The following EXD2 variants were observed in gnomAD, a reference collection of about 807,000 sequenced individuals.
EXD2 encodes exonuclease 3'-5' domain containing 2.
Under a neutral mutation model 62.5 loss-of-function variants are expected in EXD2, and 40 were observed. The ratio of observed to expected loss-of-function variants is 0.64; its 90% CI spans 0.50 to 0.83. The LOEUF (loss-of-function observed/expected upper bound fraction) is 0.83. Ranked by LOEUF, EXD2 falls within the 40% of genes least tolerant of loss-of-function variation. EXD2 has a pLI of 0.00. For missense variants in EXD2, 671 were observed against 761.8 expected (o/e 0.88, Z 1.40); for synonymous variants, 239 against 291.9 (o/e 0.82, Z 1.85).
chr14:69,222,168 A>G (rs926223893), intron 3 of EXD2, among the ~76,000 whole-genome samples: 5 of 151,386 alleles, frequency 3.3e-5, no homozygotes, highest in African/African-American at 1.2e-4. Context: ...ATAACTAGGA[A>G]TGTCTCTTTT....
chr14:69,198,935 A>C (rs1271116100), intron 1 of EXD2, among the ~76,000 whole-genome samples: 1 of 152,222 alleles, frequency 6.6e-6, no homozygotes, highest in Non-Finnish European at 1.5e-5. Flanking sequence ...AAGTACAGTA[A>C]AAATGTGGTA....
intron 1 of EXD2, among the ~76,000 whole-genome samples, chr14:69,203,652 G>T (rs115640752): frequency 0.013 from 2,019 of 152,314 alleles, 42 homozygotes; most frequent in African/African-American, 0.047. Context: ...GATGAACTCG[G>T]TTACTGGAAG....
chr14:69,197,239 A>C (rs1222837014), intron 1 of EXD2, among the ~76,000 whole-genome samples: 2 of 152,244 alleles, frequency 1.3e-5, no homozygotes, highest in African/African-American at 4.8e-5. Context: ...ATATTAAAAA[A>C]TAAAGAACAG....
chr14:69,239,865 G>C, intron 9 of EXD2, among the ~76,000 whole-genome samples: 1 of 152,182 alleles, frequency 6.6e-6, no homozygotes, highest in East Asian at 1.9e-4. Context: ...GCCTCCCAAA[G>C]TGCTGGGATT....
chr14:69,227,912 T>A (rs2043418119), intron 3 of EXD2: 1 of 146,174 alleles, frequency 6.8e-6, no homozygotes, highest in Non-Finnish European at 1.5e-5. Flanking sequence ...AGGCCCTAAC[T>A]TATGCTCAAT....
chr14:69,228,215 G>A (rs1034591035), intron 3 of EXD2, among the ~76,000 whole-genome samples: 1 of 113,408 alleles, frequency 8.8e-6, no homozygotes, highest in Admixed American at 1.2e-4. Context: ...TTTTGAGACA[G>A]AGTTTCACTC....
rs571229013 is a variant in EXD2 at position 69,200,405 on chromosome 14, A to C, written c.-131-3512A>C. 3.3e-5 allele frequency among the ~76,000 whole-genome samples: 5 copies of C among 152,232 alleles called. No individual in the cohort carries two copies. In the South Asian group the frequency reaches 1.0e-3, roughly 32 times the overall value. Reference sequence around the variant, plus strand: ...TTATTGTCATTGAATTGTACACTTAAAAATGGCTAAAATGGGCCAGGCGTG... The same window carrying C: ...TTATTGTCATTGAATTGTACACTTACAAATGGCTAAAATGGGCCAGGCGTG... On this transcript the variant is annotated intron_variant, in intron 1 of 9. Transcript: ENST00000685843.
At chr14:69,197,623 G>A (rs894570189) in intron 1 of EXD2, among the ~76,000 whole-genome samples, 4 of 151,844 alleles carry the variant, frequency 2.6e-5, no homozygotes, top group South Asian at 2.1e-4. Flanking sequence ...TGTTGTTCCC[G>A]TCTTTATGTC....
chr14:69,236,734 C>T (rs1448411854), intron 8 of EXD2, among the ~76,000 whole-genome samples, 192 bp downstream of exon 8: 2 of 152,196 alleles, frequency 1.3e-5, no homozygotes, highest in Non-Finnish European at 2.9e-5. Flanking sequence ...CCCTCCTGAG[C>T]CGTTTCTCAG....
intron 3 of EXD2, among the ~76,000 whole-genome samples, chr14:69,221,909 TAAAAAAA>T (rs60647735): frequency 5.8e-5 from 3 of 52,056 alleles, no homozygotes; most frequent in Admixed American, 3.2e-4. Flanking sequence ...CTGTCTCTAC[TAAAAAAA>T]AAAAAAAAAA....
At chr14:69,222,018 G>C (rs2043202420) in intron 3 of EXD2, among the ~76,000 whole-genome samples, 1 of 151,348 alleles carries the variant, frequency 6.6e-6, no homozygotes. Flanking sequence ...AACCTGGGAG[G>C]TGGAGGTTGC....
chr14:69,225,734 A>G (rs866617283), intron 3 of EXD2, among the ~76,000 whole-genome samples: 9 of 152,200 alleles, frequency 5.9e-5, no homozygotes, highest in African/African-American at 2.2e-4. Context: ...TGTCAGGGCA[A>G]AAAGACATTA....
chr14:69,210,655 G>C (rs1023234504), intron 3 of EXD2, among the ~76,000 whole-genome samples: 1 of 152,002 alleles, frequency 6.6e-6, no homozygotes, highest in Admixed American at 6.6e-5. Flanking sequence ...TCTACAAAAA[G>C]AGAAATTAGC....
At position 69,240,951 on chromosome 14, in the gene EXD2, C is replaced by T. The variant is rs752738946; in HGVS notation, c.1717C>T (p.Arg573Cys). ...GCAGTGTCACAGCCAGGGTGGCCTG[C>T]GCTCCCTCATGCAGCTGGAGAGCCG... Reference protein sequence around the residue: ...VVQCHSQGGLRSLMQLESRWR... With the variant: ...VVQCHSQGGLCSLMQLESRWR... The change falls in exon 10 of 10, where the codon CGC becomes TGC. Residue 573 changes from arginine (R) to cysteine (C), a missense_variant. By Grantham distance (180) the Arg-to-Cys change is radical. Coordinates refer to ENST00000685843, the MANE Select transcript of EXD2 (RefSeq NM_001193360.2). The T allele has an allele frequency of 5.9e-5, 95 of 1,613,552 alleles. No homozygotes were observed. The highest frequency in any genetic ancestry group is 7.6e-5 in the Non-Finnish European group (90 of 1,180,018).
chr14:69,198,195 G>A (rs375520707), intron 1 of EXD2, among the ~76,000 whole-genome samples: 1 of 152,072 alleles, frequency 6.6e-6, no homozygotes, highest in South Asian at 2.1e-4. Context: ...TTTTATAATA[G>A]GTTTGGAAAG....
Position 69,240,993 on chromosome 14 carries a change from C to G in EXD2, c.1759C>G (p.Leu587Val), listed in dbSNP as rs2140060062. The G allele has an allele frequency of 6.2e-7, 1 of 1,613,304 alleles. No individual in the cohort carries two copies. Among genetic ancestry groups the G allele is most frequent in the East Asian group, 2.2e-5 (1 of 44,882 alleles). Residue 587 changes from leucine (L) to valine (V), a missense_variant, in exon 10 of 10, where the codon CTG becomes GTG. Leu to Val is a conservative substitution (Grantham distance 32). Coordinates refer to ENST00000685843, the MANE Select transcript of EXD2 (RefSeq NM_001193360.2). The stretch of plus-strand genomic sequence containing the variant: ...GGAGAGCCGCTGGCGTCAGCACTTC[C>G]TGGACTCCATGCAGCCCAAGCACCT... ...QLESRWRQHF[L>V]DSMQPKHLPQ... is the part of the protein sequence containing the mutation.
chr14:69,205,754 A>G (rs1277598839), intron 2 of EXD2, among the ~76,000 whole-genome samples: 1 of 151,892 alleles, frequency 6.6e-6, no homozygotes, highest in East Asian at 1.9e-4. Context: ...GTGTGTTATG[A>G]TAGACTCTGC....
At chr14:69,206,143 A>C (rs2042582696) in intron 2 of EXD2, among the ~76,000 whole-genome samples, 2 of 151,346 alleles carry the variant, frequency 1.3e-5, no homozygotes, top group Non-Finnish European at 2.9e-5. Context: ...CTGATTTCAA[A>C]CTCCTGGGCT....
At chr14:69,193,092 T>C (rs1227842757) in intron 1 of EXD2, among the ~76,000 whole-genome samples, 1 of 150,548 alleles carries the variant, frequency 6.6e-6, no homozygotes, top group African/African-American at 2.5e-5. Flanking sequence ...AGAGTCTTGC[T>C]CTGTTGCCCA....
Sources: gnomAD v4.1 joint callset for allele counts (sites outside exome capture counted in the v4.1 genomes callset) on GRCh38, gnomAD v4.1.1 for gene constraint, MANE v1.5 for transcripts, NCBI Gene and HGNC (gene_info 2026-07-23, HGNC 2026-07-21) for gene names.